GLRA2: variants seen among roughly 807,000 people sequenced by gnomAD.
GLRA2 encodes glycine receptor subunit alpha-2.
In GLRA2, 11 loss-of-function variants were observed where a neutral mutation model predicts 31.6. The ratio of observed to expected loss-of-function variants is 0.35; its 90% CI spans 0.22 to 0.58. The LOEUF is 0.58. GLRA2 is among the 20% of genes least tolerant of loss of function. GLRA2 has a pLI of 0.84. For missense variants in GLRA2, 212 were observed against 351.8 expected, an observed-to-expected ratio of 0.60 and a Z score of 3.18; for synonymous variants, 132 against 134.0, an observed-to-expected ratio of 0.99 and a Z score of 0.10.
chrX:14,557,137 A>G (rs1340546580), intron 2 of GLRA2, among the ~76,000 whole-genome samples: 5 of 59,401 alleles, frequency 8.4e-5, no homozygotes, highest in Admixed American at 2.9e-4. Flanking sequence ...TTTTTTTGAG[A>G]CGGAGTCTCG....
At chrX:14,681,910 A>AAATATATATATATATAT (rs758563376) in intron 7 of GLRA2, among the ~76,000 whole-genome samples, 24 of 41,274 alleles carry the variant, frequency 5.8e-4, no homozygotes, top group African/African-American at 2.9e-3. Context: ...AAAAAAAAAA[A>AAATATATATATATATAT]ATATATATAT....
the GLRA2 span, among the ~76,000 whole-genome samples, chrX:14,466,203 C>T: frequency 9.0e-6 from 1 of 111,113 alleles, no homozygotes; most frequent in East Asian, 2.8e-4. Flanking sequence ...TATCTACTGA[C>T]CACAAATGAG....
chrX:14,707,377 GAGCAAGCAAGATTATGCACGTGA>G (rs1320258795), intron 8 of GLRA2, among the ~76,000 whole-genome samples: 1 of 111,336 alleles, frequency 9.0e-6, no homozygotes, highest in East Asian at 2.8e-4. Flanking sequence ...CTGCTGTTAG[GAGCAAGCAAGATTATGCACGTGA>G]AGAACAGTGC....
intron 4 of GLRA2, among the ~76,000 whole-genome samples, chrX:14,583,032 C>T (rs1171734371): frequency 1.8e-5 from 2 of 111,533 alleles, no homozygotes; most frequent in Middle Eastern, 4.6e-3. Context: ...AAAATAATGG[C>T]TATCTGTATT....
At chrX:14,545,791 G>A (rs1450536499) in intron 2 of GLRA2, among the ~76,000 whole-genome samples, 1 of 111,264 alleles carries the variant, frequency 9.0e-6, no homozygotes, top group African/African-American at 3.3e-5. Flanking sequence ...TGAGAAGGTG[G>A]CTTTGCTGAA....
intron 7 of GLRA2, among the ~76,000 whole-genome samples, chrX:14,682,886 T>C (rs1302840069): frequency 9.0e-6 from 1 of 111,455 alleles, no homozygotes; most frequent in Non-Finnish European, 1.9e-5. Flanking sequence ...GAACTCATCC[T>C]TTTTTATGGC....
chrX:14,460,189 T>C, the GLRA2 span, among the ~76,000 whole-genome samples: 3 of 112,035 alleles, frequency 2.7e-5, no homozygotes, highest in Non-Finnish European at 5.6e-5. Context: ...GATTTGCGTA[T>C]GTTGTACCAG....
chrX:14,524,612 C>T (rs909065998), upstream of GLRA2, among the ~76,000 whole-genome samples: 1 of 111,300 alleles, frequency 9.0e-6, no homozygotes, highest in African/African-American at 3.3e-5. Context: ...TTGAGGAGGA[C>T]GTTTTTTCTG....
At chrX:14,668,322 T>G (rs963478657) in intron 7 of GLRA2, among the ~76,000 whole-genome samples, 10 of 112,031 alleles carry the variant, frequency 8.9e-5, no homozygotes, top group African/African-American at 3.2e-4. Flanking sequence ...TTTGACACAT[T>G]GTATTTGTTA....
chrX:14,576,817 G>A (rs1189876190), intron 3 of GLRA2, among the ~76,000 whole-genome samples: 1 of 112,216 alleles, frequency 8.9e-6, no homozygotes, highest in Admixed American at 9.4e-5. Flanking sequence ...TTGCTCAAGG[G>A]TAACATACAC....
rs544712982 is a variant in GLRA2, at chrX:14,576,465, C to T, written c.270+2065C>T. Among the ~76,000 whole-genome samples, 15 of 111,478 alleles carry T rather than the reference C, an allele frequency of 1.3e-4. No homozygotes were observed. The South Asian group carries it at 1.9e-3, about 14-fold the overall frequency. The stretch of plus-strand genomic sequence containing the variant: ...GTAATAAGAGAGGGGGCAAAGCTTC[C>T]AGTAGCCCAAATCACTGTCACCAGC... On this transcript the variant is annotated intron_variant, in intron 3 of 8. Transcript: ENST00000218075.
intron 8 of GLRA2, among the ~76,000 whole-genome samples, chrX:14,698,649 G>A (rs1415730785): frequency 1.2e-5 from 1 of 83,842 alleles, no homozygotes; most frequent in Admixed American, 1.6e-4. Flanking sequence ...CTGTACTCCA[G>A]CCTGGGCGAC....
chrX:14,668,112 T>C (rs148414886), intron 7 of GLRA2, among the ~76,000 whole-genome samples: 1,143 of 111,483 alleles, frequency 0.01, 8 homozygotes, highest in Middle Eastern at 0.042. Flanking sequence ...CAAGATTCAG[T>C]TCCTCCTGTG....
chrX:14,656,759 T>C (rs1490422325), intron 7 of GLRA2, among the ~76,000 whole-genome samples: 1 of 112,198 alleles, frequency 8.9e-6, no homozygotes, highest in Non-Finnish European at 1.9e-5. Context: ...TTTGTCCTCA[T>C]AGAACTTATA....
chrX:14,623,319 T>C (rs1445260589), intron 7 of GLRA2, among the ~76,000 whole-genome samples: 1 of 111,472 alleles, frequency 9.0e-6, no homozygotes, highest in Non-Finnish European at 1.9e-5. Context: ...ATTTCCTCTT[T>C]TCCTAATTGA....
chrX:14,469,535 G>A, the GLRA2 span, among the ~76,000 whole-genome samples: 1 of 107,948 alleles, frequency 9.3e-6, no homozygotes, highest in South Asian at 4.2e-4. Context: ...ATGAGTTCAT[G>A]TCCTTTGTAG....
intron 7 of GLRA2, among the ~76,000 whole-genome samples, chrX:14,650,771 GGAT>G (rs1479633057): frequency 9.0e-6 from 1 of 111,712 alleles, no homozygotes; most frequent in African/African-American, 3.3e-5. Context: ...GAAATCAGGA[GGAT>G]CCACATTTGC....
chrX:14,686,387 T>G (rs1199207614), intron 7 of GLRA2, among the ~76,000 whole-genome samples: 3 of 111,498 alleles, frequency 2.7e-5, no homozygotes, highest in Non-Finnish European at 1.9e-5. Context: ...TTCTGTCTCG[T>G]TGACCTTTCT....
chrX:14,481,915 T>A, the GLRA2 span, among the ~76,000 whole-genome samples: 1 of 111,499 alleles, frequency 9.0e-6, no homozygotes, highest in South Asian at 3.8e-4. Context: ...CTGTAAATAC[T>A]GCTTTAGAAA....
Sources: allele counts gnomAD v4.1 joint callset (sites outside exome capture counted in the v4.1 genomes callset), GRCh38; gene constraint gnomAD v4.1.1; transcripts MANE v1.5; gene names NCBI Gene and HGNC (gene_info 2026-07-23, HGNC 2026-07-21).